TAGLN3: variants seen among roughly 807,000 people sequenced by gnomAD.
TAGLN3 encodes transgelin-3.
TAGLN3 carries 12 observed loss-of-function variants against 25.4 expected under a neutral mutation model. That is an observed-to-expected ratio of 0.47 (90% CI 0.30 to 0.77). The LOEUF is 0.77. Among genes scored for constraint, TAGLN3 ranks in the 30% least tolerant of loss-of-function variants. The pLI is 0.06. For missense variants in TAGLN3, 218 were observed against 255.8 expected, an observed-to-expected ratio of 0.85 and a Z score of 1.01; for synonymous variants, 96 against 94.8, an observed-to-expected ratio of 1.01 and a Z score of -0.08.
At chr3:112,001,039 C>T (rs748914090) in intron 3 of TAGLN3, 93 bp downstream of exon 3, 12 of 1,127,956 alleles carry the variant, frequency 1.1e-5, no homozygotes, top group South Asian at 8.4e-5. Flanking sequence ...TTCCCTGTGC[C>T]GATTGATGTG....
intron 1 of TAGLN3, 101 bp from the exon 2 acceptor site, chr3:111,999,320 G>C: frequency 7.3e-7 from 1 of 1,368,464 alleles, no homozygotes; most frequent in Non-Finnish European, 9.8e-7. Flanking sequence ...GCTGCTGCTG[G>C]GCCAGGTTGC....
chr3:111,999,372 C>T (rs745810644), intron 1 of TAGLN3, 49 bp from the exon 2 acceptor site: 4 of 1,590,952 alleles, frequency 2.5e-6, no homozygotes, highest in Non-Finnish European at 3.4e-6. Context: ...CCGGAGGCTG[C>T]TGCTGCTGCT....
At chr3:112,012,430 G>A (rs987031804) in intron 4 of TAGLN3, among the ~76,000 whole-genome samples, 12 of 151,884 alleles carry the variant, frequency 7.9e-5, no homozygotes, top group African/African-American at 2.2e-4. Context: ...TCTCAACAGC[G>A]TCCTAGTCCG....
chr3:112,001,221 T>C (rs912098106), intron 3 of TAGLN3, among the ~76,000 whole-genome samples: 3 of 152,210 alleles, frequency 2.0e-5, no homozygotes, highest in African/African-American at 2.4e-5. Flanking sequence ...AACGGTGACA[T>C]ACTGCCTTTT....
chr3:112,011,739 T>C, intron 3 of TAGLN3, 24 bp from the exon 4 acceptor site: 1 of 1,607,530 alleles, frequency 6.2e-7, no homozygotes, highest in Non-Finnish European at 8.5e-7. Context: ...CGTGCTTGGC[T>C]TTAAGCTCTT....
chr3:112,000,251 G>T (rs190442956), intron 2 of TAGLN3, among the ~76,000 whole-genome samples: 2 of 151,946 alleles, frequency 1.3e-5, no homozygotes, highest in East Asian at 3.9e-4. Flanking sequence ...CCCAGAGCTT[G>T]GGTTATATAT....
At position 112,012,220 on chromosome 3, in the gene TAGLN3, TTCCCTCCCTCCC is replaced by T. The variant is rs1207863698; in HGVS notation, c.458+381_458+392del. 4.3e-4 allele frequency among the ~76,000 whole-genome samples: 47 copies of T among 108,610 alleles called. 10 individuals are homozygous for T. Among genetic ancestry groups the T allele is most frequent in the South Asian group, 9.6e-4 (3 of 3,114 alleles). The allele number at this position is 108,610 out of a possible 152,430, so 71.3% of individuals were successfully genotyped here. ...TGAGCTTTCTTGCCTGCCTGGCTGC[TTCCCTCCCTCCC>T]TCCCTCCCTCCCTCCCTCCCTCCCT... On this transcript the variant is annotated intron_variant, in intron 4 of 4. Transcript: ENST00000478951.
chr3:112,013,229 T>G (rs117226887), intron 4 of TAGLN3, among the ~76,000 whole-genome samples, 181 bp from the exon 5 acceptor site: 1 of 151,054 alleles, frequency 6.6e-6, no homozygotes, highest in East Asian at 1.9e-4. Flanking sequence ...CGGCTCAGGG[T>G]AGGTCCACAG....
chr3:112,001,121 G>A (rs2072854336), intron 3 of TAGLN3, among the ~76,000 whole-genome samples, 175 bp downstream of exon 3: 1 of 152,176 alleles, frequency 6.6e-6, no homozygotes, highest in African/African-American at 2.4e-5. Context: ...ATTAAAAGGA[G>A]GTACCCTCTT....
At chr3:112,009,620 G>C (rs560990940) in intron 3 of TAGLN3, among the ~76,000 whole-genome samples, 2 of 152,204 alleles carry the variant, frequency 1.3e-5, no homozygotes, top group South Asian at 4.2e-4. Context: ...GGTGACTCTG[G>C]GCATGTTAAT....
chr3:112,010,223 T>A (rs1400238293), intron 3 of TAGLN3, among the ~76,000 whole-genome samples: 1 of 152,102 alleles, frequency 6.6e-6, no homozygotes, highest in East Asian at 1.9e-4. Context: ...GGTGATCTGC[T>A]GGATGTCAGG....
intron 3 of TAGLN3, 98 bp from the exon 4 acceptor site, chr3:112,011,665 C>G (rs1034491510): frequency 2.6e-6 from 3 of 1,155,720 alleles, no homozygotes; most frequent in African/African-American, 3.1e-5. Context: ...CACCTGCAGC[C>G]TTCTATCAGA....
chr3:112,003,496 G>C (rs1406164103), intron 3 of TAGLN3, among the ~76,000 whole-genome samples: 3 of 152,144 alleles, frequency 2.0e-5, no homozygotes, highest in African/African-American at 7.2e-5. Context: ...GGAATGCTGC[G>C]GGGCAGGGTT....
At chr3:112,000,701 G>A in intron 2 of TAGLN3, 71 bp from the exon 3 acceptor site, 2 of 1,519,528 alleles carry the variant, frequency 1.3e-6, no homozygotes, top group Non-Finnish European at 1.8e-6. Context: ...ACGTGAGCAG[G>A]ATTCACTTCT....
intron 3 of TAGLN3, among the ~76,000 whole-genome samples, chr3:112,010,954 G>C (rs922996346): frequency 3.9e-5 from 6 of 152,198 alleles, no homozygotes; most frequent in Admixed American, 2.6e-4. Context: ...GGTTCACCAG[G>C]TCTAAAGAGA....
intron 3 of TAGLN3, among the ~76,000 whole-genome samples, chr3:112,006,248 G>A (rs138253982): frequency 6.6e-6 from 1 of 152,278 alleles, no homozygotes; most frequent in East Asian, 1.9e-4. Flanking sequence ...TAATATGTCT[G>A]AGGTGAGGCC....
chr3:112,000,262 A>C (rs1317300106), intron 2 of TAGLN3, among the ~76,000 whole-genome samples: 2 of 152,132 alleles, frequency 1.3e-5, no homozygotes, highest in African/African-American at 2.4e-5. Context: ...GGTTATATAT[A>C]TATATCTGGG....
At chr3:112,006,824 CT>C (rs1221880687) in intron 3 of TAGLN3, among the ~76,000 whole-genome samples, 4 of 152,078 alleles carry the variant, frequency 2.6e-5, no homozygotes, top group African/African-American at 9.7e-5. Context: ...GAACAAAATC[CT>C]TGTTAAAGTA....
At chr3:112,008,013 A>C (rs1357100512) in intron 3 of TAGLN3, among the ~76,000 whole-genome samples, 1 of 152,196 alleles carries the variant, frequency 6.6e-6, no homozygotes, top group Non-Finnish European at 1.5e-5. Flanking sequence ...CTTGCAAATC[A>C]CCAGGCAACA....
Sources: gnomAD v4.1 joint callset for allele counts (sites outside exome capture counted in the v4.1 genomes callset) on GRCh38, gnomAD v4.1.1 for gene constraint, MANE v1.5 for transcripts, NCBI Gene and HGNC (gene_info 2026-07-23, HGNC 2026-07-21) for gene names.